COPA: variants seen among roughly 807,000 people sequenced by gnomAD.
COPA encodes coatomer subunit alpha.
COPA carries 10 observed loss-of-function variants against 158.7 expected under a neutral mutation model. That is an observed-to-expected ratio of 0.06 (90% CI 0.04 to 0.11). The LOEUF is 0.11. Among genes scored for constraint, COPA ranks in the 10% least tolerant of loss-of-function variants. The pLI is 1.00. For missense variants in COPA, 1,065 were observed against 1,536.7 expected, an observed-to-expected ratio of 0.69 and a Z score of 5.13; for synonymous variants, 462 against 542.8, an observed-to-expected ratio of 0.85 and a Z score of 2.07.
chr1:160,340,297 G>GA lies in COPA; in HGVS notation c.41-4dup, dbSNP rs774920141. The GA allele has an allele frequency of 1.9e-6, 3 of 1,582,774 alleles. No homozygotes were observed. The highest frequency in any genetic ancestry group is 1.7e-6 in the Non-Finnish European group (2 of 1,153,886). On this transcript the variant is annotated splice_region_variant and splice_polypyrimidine_tract_variant and intron_variant, in intron 1 of 32. Transcript: ENST00000241704. ...TCTTTTGGGGTGAAAGCTGAGCCCTGAAAAAAATAGAAAATGATACAATGA... is the reference window on the plus strand; with the variant it reads ...TCTTTTGGGGTGAAAGCTGAGCCCTGAAAAAAAATAGAAAATGATACAATGA...
rs1304648355 is a variant in COPA, at chr1:160,314,213, T to A, written c.707-88A>T. On this transcript the variant is annotated intron_variant, in intron 8 of 32. Coordinates refer to ENST00000241704, the MANE Select transcript of COPA (RefSeq NM_004371.4). ...ATATGACATCCTCTTCATCAAGAAC[T>A]AAGTACTATTACAGAATGCTAAATT... The A allele has an allele frequency of 4.3e-6, 6 of 1,402,706 alleles. No homozygotes were observed. The East Asian group carries it at 1.2e-4, about 28-fold the overall frequency. The allele number at this position is 1,402,706 out of a possible 1,614,324, so 86.9% of individuals were successfully genotyped here.
At chr1:160,341,869 A>G (rs1648080674) in intron 1 of COPA, among the ~76,000 whole-genome samples, 1 of 152,136 alleles carries the variant, frequency 6.6e-6, no homozygotes, top group African/African-American at 2.4e-5. Context: ...TTGCCCTCAA[A>G]TATTATGACA....
chr1:160,290,069 G>C lies in COPA; in HGVS notation c.*88C>G. 1 of 1,173,840 alleles carries C rather than the reference G, an allele frequency of 8.5e-7. No homozygotes were observed. The highest frequency in any genetic ancestry group is 1.3e-6 in the Non-Finnish European group (1 of 791,168). 72.7% of individuals were successfully genotyped at this position (1,173,840 alleles called of 1,614,324 possible). On this transcript the variant is annotated 3_prime_UTR_variant, in exon 33 of 33. Coordinates refer to ENST00000241704, the MANE Select transcript of COPA (RefSeq NM_004371.4). ...AGAGAGCCAGATCTGAAGAGTAGCT[G>C]CAGGGGGAAGGTGCTGTTAGAAGGA...
chr1:160,340,909 C>T (rs999847196), intron 1 of COPA, among the ~76,000 whole-genome samples: 1 of 152,190 alleles, frequency 6.6e-6, no homozygotes, highest in African/African-American at 2.4e-5. Flanking sequence ...ATCTTTGCTT[C>T]CCCACACTCT....
chr1:160,331,514 G>A (rs771900786), intron 6 of COPA, among the ~76,000 whole-genome samples: 4 of 151,886 alleles, frequency 2.6e-5, no homozygotes, highest in South Asian at 2.1e-4. Flanking sequence ...TTAGCTGTGC[G>A]TGGTGGCGTG....
intron 11 of COPA, among the ~76,000 whole-genome samples, 193 bp downstream of exon 11, chr1:160,311,675 A>G (rs1658970566): frequency 6.6e-6 from 1 of 152,020 alleles, no homozygotes; most frequent in Admixed American, 6.6e-5. Flanking sequence ...TGAACCCGGG[A>G]GGCGGAGCTT....
At chr1:160,337,563 T>C (rs1303507989) in intron 3 of COPA, among the ~76,000 whole-genome samples, 1 of 151,790 alleles carries the variant, frequency 6.6e-6, no homozygotes, top group East Asian at 1.9e-4. Flanking sequence ...CTACTAAAAA[T>C]ACAAAATTAG....
chr1:160,332,427 C>T (rs1263012523), intron 6 of COPA, 21 bp downstream of exon 6: 3 of 1,569,850 alleles, frequency 1.9e-6, no homozygotes, highest in Non-Finnish European at 2.6e-6. Context: ...CCAGGTTGTC[C>T]TCTGAACTTG....
At position 160,291,559 on chromosome 1, in the gene COPA, A is replaced by G; in HGVS notation, c.3259-63T>C. 3.2e-6 allele frequency: 5 copies of G among 1,569,652 alleles called. No individual in the cohort carries two copies. In the South Asian group the frequency reaches 5.8e-5, roughly 18 times the overall value. On this transcript the variant is annotated intron_variant, in intron 30 of 32. Transcript: ENST00000241704. ...CTACACCTGGTAGAAGTCATTTCTA[A>G]GCTGCTACACATGCATAAAAAACAC...
chr1:160,295,916 A>C, intron 22 of COPA, 57 bp from the exon 23 acceptor site: 1 of 1,581,284 alleles, frequency 6.3e-7, no homozygotes, highest in African/African-American at 1.4e-5. Flanking sequence ...TCACGTAAGG[A>C]AAGTTATGGA....
chr1:160,294,820 G>A lies in COPA; in HGVS notation c.2514C>T (p.Asp838=). The change falls in exon 24 of 33, where the codon GAC becomes GAT. Residue 838 remains aspartate (D), a synonymous_variant. Coordinates refer to ENST00000241704, the MANE Select transcript of COPA (RefSeq NM_004371.4). ...GGALAADIDI[D]TVGTEGWGED... is the part of the protein sequence containing the mutation. ...CTCCCCAGCCCTCTGTACCAACAGT[G>A]TCAATGTCAATGTCAGCAGCCAGTG... The A allele has an allele frequency of 6.2e-7, 1 of 1,613,690 alleles. No homozygotes were observed. The highest frequency in any genetic ancestry group is 1.1e-5 in the South Asian group (1 of 91,074).
At chr1:160,341,493 T>C (rs190385572) in intron 1 of COPA, among the ~76,000 whole-genome samples, 14 of 152,354 alleles carry the variant, frequency 9.2e-5, no homozygotes, top group African/African-American at 3.4e-4. Context: ...CCTATTTGCA[T>C]TATTACTGCC....
rs552427730 is a variant in COPA at position 160,317,576 on chromosome 1, T to C, written c.707-3451A>G. 3.1e-6 allele frequency: 5 copies of C among 1,595,798 alleles called. No homozygotes were observed. In the East Asian group the frequency reaches 8.9e-5, roughly 28 times the overall value. ...TACTGTCAAAGACAGGGCGTTCCAA[T>C]GAATTCATTCAGGTTTCTCTTTGAG... is the stretch of plus-strand genomic sequence containing the variant. On this transcript the variant is annotated intron_variant, in intron 8 of 32. Transcript: ENST00000241704.
chr1:160,304,651 G>A (rs1449754550), intron 17 of COPA, among the ~76,000 whole-genome samples: 2 of 151,776 alleles, frequency 1.3e-5, no homozygotes, highest in African/African-American at 4.8e-5. Context: ...GCGAGACTCC[G>A]TTTCAGAAAA....
intron 10 of COPA, 124 bp downstream of exon 10, chr1:160,312,961 C>A: frequency 1.2e-6 from 1 of 801,764 alleles, no homozygotes; most frequent in Non-Finnish European, 2.0e-6. Context: ...AACTAAGTGG[C>A]TCTGAGAGTC....
At chr1:160,309,950 G>C (rs536007891) in intron 12 of COPA, among the ~76,000 whole-genome samples, 13 of 152,134 alleles carry the variant, frequency 8.5e-5, no homozygotes, top group African/African-American at 2.9e-4. Flanking sequence ...CTAGTGATCT[G>C]GGTCATTCAT....
chr1:160,298,809 A>G, intron 19 of COPA, 36 bp downstream of exon 19: 3 of 1,612,886 alleles, frequency 1.9e-6, no homozygotes, highest in South Asian at 2.2e-5. Context: ...TCTCACCTCT[A>G]AGACAATATG....
intron 3 of COPA, among the ~76,000 whole-genome samples, 180 bp from the exon 4 acceptor site, chr1:160,335,502 G>A (rs1647714744): frequency 6.6e-6 from 1 of 152,120 alleles, no homozygotes; most frequent in South Asian, 2.1e-4. Flanking sequence ...TTTAAGATTT[G>A]AGGGGAAAAG....
intron 8 of COPA, 106 bp downstream of exon 8, chr1:160,323,325 A>G (rs1292067602): frequency 4.7e-6 from 3 of 643,474 alleles, no homozygotes. Flanking sequence ...AGCATTAATT[A>G]ATCACCTAAG....
Sources: gnomAD v4.1 joint callset for allele counts (sites outside exome capture counted in the v4.1 genomes callset) on GRCh38, gnomAD v4.1.1 for gene constraint, MANE v1.5 for transcripts, NCBI Gene and HGNC (gene_info 2026-07-23, HGNC 2026-07-21) for gene names.